BNC2: variants seen among roughly 807,000 people sequenced by gnomAD.
BNC2 encodes zinc finger protein basonuclin-2.
Under a neutral mutation model 76.3 loss-of-function variants are expected in BNC2, and 20 were observed. The observed-to-expected ratio is 0.26, with a 90% CI of 0.18 to 0.38. BNC2 has a LOEUF of 0.38. Ranked by LOEUF, BNC2 falls within the 10% of genes least tolerant of loss-of-function variation. The probability of loss-of-function intolerance (pLI) is 1.00; values close to 1 mark genes in which losing one functional copy is unlikely to be tolerated. For missense variants in BNC2, 1,382 were observed against 1,399.8 expected, an observed-to-expected ratio of 0.99 and a Z score of 0.20; for synonymous variants, 582 against 514.8, an observed-to-expected ratio of 1.13 and a Z score of -1.77.
chr9:16,429,576 G>A (rs897747546), intron 6 of BNC2: 46 of 183,836 alleles, frequency 2.5e-4, no homozygotes, highest in African/African-American at 9.2e-4. Flanking sequence ...AGATATTTTG[G>A]CCTGAATTTT....
At chr9:16,737,022 T>A (rs1420923719) in intron 2 of BNC2, among the ~76,000 whole-genome samples, 1 of 151,168 alleles carries the variant, frequency 6.6e-6, no homozygotes. Context: ...GTCAGACTGG[T>A]CTCGAACTCC....
intron 5 of BNC2, among the ~76,000 whole-genome samples, chr9:16,513,650 C>A (rs1052271443): frequency 1.3e-5 from 2 of 152,112 alleles, no homozygotes; most frequent in African/African-American, 4.8e-5. Context: ...CAACGAAACA[C>A]AGAGGGGTAC....
rs1303934452 is a variant in BNC2 at position 16,595,214 on chromosome 9, G to A, written c.331-12129C>T. Among the ~76,000 whole-genome samples, 4 of 152,132 alleles carry A rather than the reference G, an allele frequency of 2.6e-5. No homozygotes were observed. In the South Asian group the frequency reaches 6.2e-4, roughly 24 times the overall value. ...ACCTGTCTTGGGACTGTCCATCAGC[G>A]ACACATCTCAACAAACATTTTAATA... On this transcript the variant is annotated intron_variant, in intron 3 of 6. Coordinates refer to ENST00000380672, the MANE Select transcript of BNC2 (RefSeq NM_017637.6).
intron 5 of BNC2, among the ~76,000 whole-genome samples, chr9:16,528,842 A>G (rs1817891372): frequency 6.6e-6 from 1 of 152,234 alleles, no homozygotes; most frequent in East Asian, 1.9e-4. Context: ...TAACGTGGAA[A>G]GAGGCCTGTA....
At chr9:16,600,024 T>G (rs1820202450) in intron 3 of BNC2, among the ~76,000 whole-genome samples, 1 of 152,202 alleles carries the variant, frequency 6.6e-6, no homozygotes, top group Non-Finnish European at 1.5e-5. Context: ...CTCACTCATA[T>G]TTAAAACCCT....
chr9:16,435,472 ATTTC>A (rs1820987947), intron 6 of BNC2, 79 bp downstream of exon 6: 1 of 1,508,340 alleles, frequency 6.6e-7, no homozygotes, highest in African/African-American at 1.4e-5. Context: ...TCTAAGTTGG[ATTTC>A]TTTTAGTGTG....
chr9:16,467,910 TCTTATG>T (rs1278677220), intron 5 of BNC2, among the ~76,000 whole-genome samples: 1 of 152,040 alleles, frequency 6.6e-6, no homozygotes, highest in Non-Finnish European at 1.5e-5. Context: ...CTGACCAGGT[TCTTATG>T]CTTCAGAAAT....
chr9:16,627,114 C>T (rs1821020591), intron 3 of BNC2, among the ~76,000 whole-genome samples: 1 of 152,182 alleles, frequency 6.6e-6, no homozygotes, highest in Admixed American at 6.5e-5. Context: ...TTGTCAGAGA[C>T]AGACCTGGTT....
At chr9:16,716,118 C>A (rs1048012559) in intron 3 of BNC2, among the ~76,000 whole-genome samples, 1 of 152,228 alleles carries the variant, frequency 6.6e-6, no homozygotes, top group Non-Finnish European at 1.5e-5. Flanking sequence ...CATGTCAAAG[C>A]ATTACTCAGA....
At chr9:16,704,806 G>C (rs1242402052) in intron 3 of BNC2, 1 of 152,292 alleles carries the variant, frequency 6.6e-6, no homozygotes, top group Non-Finnish European at 1.5e-5. Context: ...GATCAGTCCT[G>C]GCCTTCGGGC....
chr9:16,492,343 G>A (rs1822296093), intron 5 of BNC2, among the ~76,000 whole-genome samples: 2 of 152,158 alleles, frequency 1.3e-5, no homozygotes, highest in Non-Finnish European at 2.9e-5. Context: ...GAACTTTAAT[G>A]AGCACAACCA....
intron 1 of BNC2, among the ~76,000 whole-genome samples, chr9:16,856,277 TCACACA>T (rs5896710): frequency 2.7e-4 from 40 of 148,158 alleles, no homozygotes; most frequent in South Asian, 8.5e-4. Context: ...TCTCTCTCTC[TCACACA>T]CACACACACA....
chr9:16,577,356 T>C (rs1819515020), intron 4 of BNC2, among the ~76,000 whole-genome samples: 1 of 151,976 alleles, frequency 6.6e-6, no homozygotes, highest in South Asian at 2.1e-4. Context: ...AGAAAAATTA[T>C]ATCCAGTGAA....
chr9:16,568,218 A>C (rs1376824434), intron 4 of BNC2, among the ~76,000 whole-genome samples: 1 of 152,146 alleles, frequency 6.6e-6, no homozygotes, highest in Non-Finnish European at 1.5e-5. Flanking sequence ...TTAACATTTA[A>C]CACACGTCTT....
At chr9:16,473,903 A>T (rs967207684) in intron 5 of BNC2, among the ~76,000 whole-genome samples, 6 of 152,174 alleles carry the variant, frequency 3.9e-5, no homozygotes, top group Admixed American at 2.0e-4. Context: ...TAAAAAATTT[A>T]AAAAAGATAC....
chr9:16,790,697 C>G (rs1817480897), intron 1 of BNC2, among the ~76,000 whole-genome samples: 1 of 152,080 alleles, frequency 6.6e-6, no homozygotes, highest in South Asian at 2.1e-4. Flanking sequence ...ACATCTTCAT[C>G]CTTTTCATCA....
intron 5 of BNC2, among the ~76,000 whole-genome samples, chr9:16,480,430 C>T (rs1356930880): frequency 6.6e-6 from 1 of 152,258 alleles, no homozygotes; most frequent in Admixed American, 6.5e-5. Flanking sequence ...CCCTTCAGCC[C>T]ACCGCTGCAC....
At chr9:16,549,398 T>C (rs1277186890) in intron 5 of BNC2, among the ~76,000 whole-genome samples, 1 of 152,232 alleles carries the variant, frequency 6.6e-6, no homozygotes. Flanking sequence ...TGACATAATA[T>C]TCAATATACT....
chr9:16,610,227 G>T (rs746585084), intron 3 of BNC2, among the ~76,000 whole-genome samples: 7 of 152,136 alleles, frequency 4.6e-5, no homozygotes, highest in Non-Finnish European at 8.8e-5. Context: ...AAGGAGGATT[G>T]CTGAATCCGA....
Sources: gnomAD v4.1 joint callset for allele counts (sites outside exome capture counted in the v4.1 genomes callset) on GRCh38, gnomAD v4.1.1 for gene constraint, MANE v1.5 for transcripts, NCBI Gene and HGNC (gene_info 2026-07-23, HGNC 2026-07-21) for gene names.